ARG2: variants seen among roughly 807,000 people sequenced by gnomAD.
ARG2 encodes the protein arginase 2.
ARG2 carries 21 observed loss-of-function variants against 39.4 expected under a neutral mutation model. The ratio of observed to expected loss-of-function variants is 0.53; its 90% CI spans 0.38 to 0.77. The LOEUF is 0.77. Among genes scored for constraint, ARG2 ranks in the 30% least tolerant of loss-of-function variants. The pLI, the probability that ARG2 is intolerant of heterozygous loss-of-function variation, is 0.00. For synonymous variants in ARG2, 150 were observed against 156.7 expected, an observed-to-expected ratio of 0.96 and a Z score of 0.32; for missense variants, 378 against 426.2, an observed-to-expected ratio of 0.89 and a Z score of 1.00.
chr14:67,647,369 T>G, intron 6 of ARG2: 1 of 197,142 alleles, frequency 5.1e-6, no homozygotes, highest in East Asian at 1.3e-4. Context: ...TAAGCAAATC[T>G]TGGCAGTGTA....
rs755416046 is a variant in ARG2, at chr14:67,645,846, T to A, written c.522+44T>A. 3 of 1,603,944 alleles carry A rather than the reference T, an allele frequency of 1.9e-6. No individual in the cohort carries two copies. In the East Asian group the frequency reaches 6.7e-5, roughly 36 times the overall value. On this transcript the variant is annotated intron_variant, in intron 4 of 7. Transcript: ENST00000261783. ...AAAGAAAGGTGAATGGCTTGCAGGG[T>A]TTTGCTGGAGTTGGTCTAGTTCAGT...
intron 2 of ARG2, among the ~76,000 whole-genome samples, chr14:67,639,012 GAATT>G (rs1458065581): frequency 5.3e-5 from 8 of 152,076 alleles, no homozygotes; most frequent in Admixed American, 3.9e-4. Context: ...CCCAGGTTGG[GAATT>G]AATCTGATGA....
intron 2 of ARG2, among the ~76,000 whole-genome samples, chr14:67,634,955 G>T (rs187450403): frequency 1.3e-5 from 2 of 152,306 alleles, no homozygotes; most frequent in Admixed American, 1.3e-4. Flanking sequence ...AAGACACATG[G>T]TTCTTTGGCT....
At chr14:67,642,803 T>C (rs1401604527) in intron 3 of ARG2, among the ~76,000 whole-genome samples, 7 of 125,916 alleles carry the variant, frequency 5.6e-5, no homozygotes, top group African/African-American at 1.2e-4. Context: ...CTTTTTTTTT[T>C]TTTTTTTTTT....
chr14:67,644,204 T>C (rs2037068019), intron 3 of ARG2, among the ~76,000 whole-genome samples: 2 of 152,202 alleles, frequency 1.3e-5, no homozygotes, highest in African/African-American at 4.8e-5. Flanking sequence ...TGAATAGCTG[T>C]TGAACATTTT....
chr14:67,649,798 T>C (rs2037148755), intron 7 of ARG2: 1 of 152,222 alleles, frequency 6.6e-6, no homozygotes, highest in East Asian at 1.9e-4. Flanking sequence ...TTTCCAGACT[T>C]TATGGCCACC....
rs1464876692 is a variant in ARG2 at position 67,648,120 on chromosome 14, C to A, written c.796C>A (p.Pro266Thr). The change falls in exon 7 of 8, where the codon CCT becomes ACT. Residue 266 changes from proline (P) to threonine (T), a missense_variant. Physicochemically the swap from Pro to Thr is conservative, Grantham distance 38. Transcript: ENST00000261783. Reference sequence around the variant, plus strand: ...TACACTGGCTCCAGCCACAGGAACTCCTGTTGTCGGGGGACTAACCTATCG... The same window carrying A: ...TACACTGGCTCCAGCCACAGGAACTACTGTTGTCGGGGGACTAACCTATCG... ...DPTLAPATGT[P>T]VVGGLTYREG... The A allele has an allele frequency of 6.2e-7, 1 of 1,613,908 alleles. No individual in the cohort carries two copies. Among genetic ancestry groups the A allele is most frequent in the East Asian group, 2.2e-5 (1 of 44,886 alleles).
In ARG2 at chr14:67,650,949, A is replaced by T. The variant is rs376794861; in HGVS notation, c.*29A>T. ...ACACTGTGCACTGACATGTTTCACA[A>T]CAGGCATTCCAGAATTATGAGGCAT... On this transcript the variant is annotated 3_prime_UTR_variant, in exon 8 of 8. Coordinates refer to ENST00000261783, the MANE Select transcript of ARG2 (RefSeq NM_001172.4). 3.7e-6 allele frequency: 6 copies of T among 1,601,940 alleles called. No homozygotes were observed. In the African/African-American group the frequency reaches 8.0e-5, roughly 21 times the overall value.
In ARG2 at chr14:67,620,888, T is replaced by A. The variant is rs2036802597; in HGVS notation, c.112-6T>A. ...CCTCTAATTGTGTAATTTGTGTGAC[T>A]GACAGAAAAGAAAAGGAGTGGAGCA... On this transcript the variant is annotated splice_polypyrimidine_tract_variant and splice_region_variant and intron_variant, in intron 1 of 7. Coordinates refer to ENST00000261783, the MANE Select transcript of ARG2 (RefSeq NM_001172.4). The A allele has an allele frequency of 2.5e-6, 4 of 1,613,988 alleles. No homozygotes were observed.
intron 3 of ARG2, among the ~76,000 whole-genome samples, chr14:67,644,660 G>C (rs1216623403): frequency 2.0e-5 from 3 of 152,152 alleles, no homozygotes; most frequent in African/African-American, 7.2e-5. Flanking sequence ...AATGTAAGCA[G>C]AGCCCAAGGA....
intron 2 of ARG2, among the ~76,000 whole-genome samples, chr14:67,641,445 T>TAC (rs1481629295): frequency 6.6e-6 from 1 of 152,234 alleles, no homozygotes; most frequent in Admixed American, 6.5e-5. Context: ...GCTGTGTAAC[T>TAC]TGGGCGGTTA....
chr14:67,624,677 A>T (rs1229773307), intron 2 of ARG2, among the ~76,000 whole-genome samples: 2 of 152,188 alleles, frequency 1.3e-5, no homozygotes, highest in Non-Finnish European at 2.9e-5. Flanking sequence ...ACCAGGCCAG[A>T]CCTCCAACAT....
chr14:67,636,802 T>A (rs2036976326), intron 2 of ARG2, among the ~76,000 whole-genome samples: 1 of 152,194 alleles, frequency 6.6e-6, no homozygotes. Context: ...ATGAGACCCT[T>A]TCACATTGTT....
At chr14:67,650,461 A>ATGTT in intron 7 of ARG2, 1 of 486,080 alleles carries the variant, frequency 2.1e-6, no homozygotes, top group South Asian at 2.6e-5. Context: ...TATGCCTGTT[A>ATGTT]TGTTAGTTGA....
chr14:67,634,333 C>A (rs1328758888), intron 2 of ARG2, among the ~76,000 whole-genome samples: 3 of 151,746 alleles, frequency 2.0e-5, no homozygotes, highest in Non-Finnish European at 4.4e-5. Flanking sequence ...TGGCTCACAC[C>A]TGTAACCCCA....
At chr14:67,646,465 C>G in intron 4 of ARG2, 179 bp from the exon 5 acceptor site, 1 of 574,840 alleles carries the variant, frequency 1.7e-6, no homozygotes, top group Middle Eastern at 2.8e-4. Context: ...AGCTGCCCTT[C>G]TGAAACATTT....
At chr14:67,642,575 A>G (rs2037045200) in intron 3 of ARG2, among the ~76,000 whole-genome samples, 1 of 152,152 alleles carries the variant, frequency 6.6e-6, no homozygotes, top group Non-Finnish European at 1.5e-5. Context: ...TTGCACAGTA[A>G]GAATATGTAC....
At chr14:67,626,127 T>C (rs925493024) in intron 2 of ARG2, among the ~76,000 whole-genome samples, 3 of 151,680 alleles carry the variant, frequency 2.0e-5, no homozygotes, top group African/African-American at 7.3e-5. Context: ...GGTGGCACAC[T>C]CCTGTAGTCC....
At chr14:67,626,873 G>A (rs537487442) in intron 2 of ARG2, among the ~76,000 whole-genome samples, 1 of 152,316 alleles carries the variant, frequency 6.6e-6, no homozygotes, top group East Asian at 1.9e-4. Flanking sequence ...CCATATAATG[G>A]AGTATTATTC....
Sources: allele counts gnomAD v4.1 joint callset (sites outside exome capture counted in the v4.1 genomes callset), GRCh38; gene constraint gnomAD v4.1.1; transcripts MANE v1.5; gene names NCBI Gene and HGNC (gene_info 2026-07-23, HGNC 2026-07-21).